The following RARB variants were observed in gnomAD, a reference collection of about 807,000 sequenced individuals.
RARB encodes retinoic acid receptor beta.
A neutral mutation model predicts 51.9 loss-of-function variants in RARB; 17 were observed. The observed-to-expected ratio is 0.33, with a 90% confidence interval of 0.22 to 0.49. RARB has a LOEUF of 0.49. Ranked by LOEUF, RARB falls within the 20% of genes least tolerant of loss-of-function variation. The pLI is 0.99. For synonymous variants in RARB, 215 were observed against 195.4 expected, an observed-to-expected ratio of 1.10 and a Z score of -0.84; for missense variants, 369 against 550.8, an observed-to-expected ratio of 0.67 and a Z score of 3.30.
chr3:25,329,894 C>G (rs150331182), intron 5 of RARB, among the ~76,000 whole-genome samples: 1,850 of 152,070 alleles, frequency 0.012, 39 homozygotes, highest in African/African-American at 0.043. Context: ...CTGATTCAAT[C>G]AAGTGGAAGA....
intron 4 of RARB, among the ~76,000 whole-genome samples, chr3:25,574,534 A>AC (rs1700843251): frequency 6.6e-6 from 1 of 151,582 alleles, no homozygotes; most frequent in African/African-American, 2.4e-5. Context: ...TGTAGCCCCC[A>AC]CCCCCAGCTC....
At chr3:25,001,002 C>T (rs768190704) in intron 2 of RARB, among the ~76,000 whole-genome samples, 5 of 151,906 alleles carry the variant, frequency 3.3e-5, no homozygotes, top group Non-Finnish European at 7.4e-5. Flanking sequence ...GAAAGAGAGG[C>T]CCCACCAAAA....
chr3:25,042,929 G>A (rs1472047104), intron 2 of RARB, among the ~76,000 whole-genome samples: 1 of 152,152 alleles, frequency 6.6e-6, no homozygotes, highest in Non-Finnish European at 1.5e-5. Flanking sequence ...TCTGATGTCA[G>A]GGTTTTGTGG....
chr3:25,510,236 AC>A (rs1697819764), intron 3 of RARB, among the ~76,000 whole-genome samples: 1 of 152,074 alleles, frequency 6.6e-6, no homozygotes, highest in African/African-American at 2.4e-5. Flanking sequence ...CCTTTCAACT[AC>A]CCTTTGCTTC....
At chr3:24,890,132 C>T (rs974437945) in intron 2 of RARB, among the ~76,000 whole-genome samples, 4 of 152,132 alleles carry the variant, frequency 2.6e-5, no homozygotes, top group Admixed American at 6.6e-5. Flanking sequence ...CACAGAAGTG[C>T]TCTTTTCAGT....
In RARB at chr3:25,251,406, C is replaced by T. The variant is rs1575258085; in HGVS notation, c.178+76831C>T. Among the ~76,000 whole-genome samples, 3 of 151,892 alleles carry T rather than the reference C, an allele frequency of 2.0e-5. No homozygotes were observed. The East Asian group carries it at 5.8e-4, about 30-fold the overall frequency. On this transcript the variant is annotated intron_variant, in intron 5 of 11. Transcript: ENST00000383772. Reference sequence around the variant, plus strand: ...ATACCCAAGAGTGGAATTGTTGGGCCATATGGTAGCTGTATGTTTAACTTT... The same window carrying T: ...ATACCCAAGAGTGGAATTGTTGGGCTATATGGTAGCTGTATGTTTAACTTT...
At chr3:25,450,565 T>C (rs963140789) in intron 1 of RARB, among the ~76,000 whole-genome samples, 4 of 152,108 alleles carry the variant, frequency 2.6e-5, no homozygotes, top group Non-Finnish European at 5.9e-5. Flanking sequence ...TCCCCACCAG[T>C]AGTATCCTCA....
chr3:25,044,230 C>T (rs1698169343), intron 2 of RARB, among the ~76,000 whole-genome samples: 1 of 152,158 alleles, frequency 6.6e-6, no homozygotes, highest in African/African-American at 2.4e-5. Context: ...GGACTAATGA[C>T]AGCTGCAACA....
chr3:25,210,529 C>CTTTTTTTTTGTTTTTTTTTTTT (rs1701667530), intron 5 of RARB, among the ~76,000 whole-genome samples: 1 of 27,618 alleles, frequency 3.6e-5, no homozygotes. Flanking sequence ...TTATCTGATT[C>CTTTTTTTTTGTTTTTTTTTTTT]TTTTTTTTTT....
At chr3:25,291,207 A>T (rs1320540674) in intron 5 of RARB, among the ~76,000 whole-genome samples, 1 of 152,222 alleles carries the variant, frequency 6.6e-6, no homozygotes, top group East Asian at 1.9e-4. Flanking sequence ...TCATAGATAC[A>T]CACATATATA....
rs1695562614 is a variant in RARB at position 24,937,111 on chromosome 3, TTG to T, written c.-380+78361_-380+78362del. Among the ~76,000 whole-genome samples the T allele has an allele frequency of 3.9e-5, 6 of 152,328 alleles. No individual in the cohort carries two copies. In the South Asian group the frequency reaches 1.2e-3, roughly 32 times the overall value. ...TTAAGAATATCACTTCAAAAAGTGA[TTG>T]TCTCATATAAGGCATGTCCTAGTTT... On this transcript the variant is annotated intron_variant, in intron 2 of 11. Coordinates refer to the RARB transcript ENST00000383772.
chr3:25,073,135 G>C (rs1179443997), intron 3 of RARB, among the ~76,000 whole-genome samples: 1 of 152,146 alleles, frequency 6.6e-6, no homozygotes. Context: ...ATCTACAGAA[G>C]CCAGGCAAGT....
intron 5 of RARB, among the ~76,000 whole-genome samples, chr3:25,403,834 A>C (rs1002312456): frequency 7.6e-6 from 1 of 131,700 alleles, no homozygotes; most frequent in Non-Finnish European, 1.6e-5. Flanking sequence ...CATCATCTTC[A>C]TTAGAAAAAA....
chr3:25,574,883 G>A (rs2125295731), intron 4 of RARB, among the ~76,000 whole-genome samples: 1 of 152,262 alleles, frequency 6.6e-6, no homozygotes, highest in East Asian at 1.9e-4. Context: ...TGCCAGGAGA[G>A]ATGCATCAGG....
At chr3:25,059,258 T>C (rs1698501017) in intron 2 of RARB, among the ~76,000 whole-genome samples, 1 of 151,806 alleles carries the variant, frequency 6.6e-6, no homozygotes, top group Non-Finnish European at 1.5e-5. Flanking sequence ...TTTTCATTTT[T>C]ATAAATACTT....
intron 4 of RARB, among the ~76,000 whole-genome samples, chr3:25,144,373 A>C (rs758885173): frequency 6.6e-6 from 1 of 152,090 alleles, no homozygotes; most frequent in African/African-American, 2.4e-5. Flanking sequence ...CAACAAAAAC[A>C]GTTTTGAGGA....
chr3:25,240,757 G>C (rs192082590), intron 5 of RARB, among the ~76,000 whole-genome samples: 1 of 151,996 alleles, frequency 6.6e-6, no homozygotes, highest in Admixed American at 6.6e-5. Flanking sequence ...GGATTTTTGC[G>C]TCTGTGTCTA....
chr3:25,450,615 T>C (rs575558015), intron 1 of RARB, among the ~76,000 whole-genome samples: 1 of 152,296 alleles, frequency 6.6e-6, no homozygotes, highest in East Asian at 1.9e-4. Flanking sequence ...CTATCTATAA[T>C]TGGGGCCAGA....
At chr3:25,050,892 A>G (rs1698319430) in intron 2 of RARB, among the ~76,000 whole-genome samples, 1 of 152,184 alleles carries the variant, frequency 6.6e-6, no homozygotes, top group African/African-American at 2.4e-5. Context: ...CTTGTTGACC[A>G]TCCACTCCTC....
Sources: gnomAD v4.1 joint callset for allele counts (sites outside exome capture counted in the v4.1 genomes callset) on GRCh38, gnomAD v4.1.1 for gene constraint, MANE v1.5 for transcripts, NCBI Gene and HGNC (gene_info 2026-07-23, HGNC 2026-07-21) for gene names.